DLGAP2: variants seen among roughly 807,000 people sequenced by gnomAD.
DLGAP2 encodes disks large-associated protein 2.
In DLGAP2, 26 loss-of-function variants were observed where a neutral mutation model predicts 100.3. That is an observed-to-expected ratio of 0.26 (90% CI 0.19 to 0.36). The LOEUF (loss-of-function observed/expected upper bound fraction) is 0.36, where lower values mean the gene tolerates loss of function less well. Ranked by LOEUF, DLGAP2 falls within the 10% of genes least tolerant of loss-of-function variation. DLGAP2 has a pLI of 1.00. For missense variants in DLGAP2, 1,858 were observed against 1,453.2 expected, an observed-to-expected ratio of 1.28 and a Z score of -4.53; for synonymous variants, 886 against 630.1, an observed-to-expected ratio of 1.41 and a Z score of -6.08.
Position 878,476 on chromosome 8 carries a change from G to C in DLGAP2, c.19-29436G>C, listed in dbSNP as rs140699936. Among the ~76,000 whole-genome samples the C allele has an allele frequency of 7.7e-3, 1,171 of 152,250 alleles. 19 individuals are homozygous for C. The highest frequency in any genetic ancestry group is 0.027 in the African/African-American group (1,133 of 41,528). On this transcript the variant is annotated intron_variant, in intron 1 of 14. Transcript: ENST00000637795. ...AGGTTGTGGGGACTGCAGAGCTATT[G>C]GGATGAATGAGAGAGTATATTTCTA...
intron 2 of DLGAP2, chr8:1,250,587 C>T (rs1799017609): frequency 6.6e-6 from 1 of 152,116 alleles, no homozygotes; most frequent in Non-Finnish European, 1.5e-5. Context: ...TTATCTCGGT[C>T]CAGAAGCAAT....
At chr8:1,471,935 C>T (rs975740486) in intron 3 of DLGAP2, among the ~76,000 whole-genome samples, 1 of 152,228 alleles carries the variant, frequency 6.6e-6, no homozygotes, top group Non-Finnish European at 1.5e-5. Context: ...ACTTCTTGTG[C>T]CCAGTACAAC....
rs563152354 is a variant in DLGAP2, at chr8:804,778, T to C, written c.18+66953T>C. On this transcript the variant is annotated intron_variant, in intron 1 of 14. Transcript: ENST00000637795. ...ATCACTTCTTTTTCATTTTATTTCT[T>C]TTTTTTGGACAGAGTCTCACTTTGT... Among the ~76,000 whole-genome samples, 3 of 152,268 alleles carry C rather than the reference T, an allele frequency of 2.0e-5. No individual in the cohort carries two copies. The South Asian group carries it at 6.2e-4, about 32-fold the overall frequency.
rs1799742521 is a variant in DLGAP2, at chr8:1,707,638, A to G, written c.*6232A>G. On this transcript the variant is annotated 3_prime_UTR_variant, in exon 15 of 15. Coordinates refer to ENST00000637795, the MANE Select transcript of DLGAP2 (RefSeq NM_001346810.2). Reference sequence around the variant, plus strand: ...CAGGACAGGTCCTCCCTGCAGAGAGAGACAACTCATCCCCCGACCTTCCAT... The same window carrying G: ...CAGGACAGGTCCTCCCTGCAGAGAGGGACAACTCATCCCCCGACCTTCCAT... 1 of 152,174 alleles carries G rather than the reference A, an allele frequency of 6.6e-6. No homozygotes were observed. Among genetic ancestry groups the G allele is most frequent in the Non-Finnish European group, 1.5e-5 (1 of 68,034 alleles). The allele number at this position is 152,174 out of a possible 1,614,324, so 9.4% of individuals were successfully genotyped here.
chr8:1,220,270 C>G (rs541427100), intron 2 of DLGAP2, among the ~76,000 whole-genome samples: 2 of 152,164 alleles, frequency 1.3e-5, no homozygotes, highest in Non-Finnish European at 2.9e-5. Context: ...CCTCTTAACA[C>G]TGCTTTACCT....
intron 2 of DLGAP2, among the ~76,000 whole-genome samples, chr8:1,221,853 G>A (rs1798321307): frequency 6.6e-6 from 1 of 152,064 alleles, no homozygotes; most frequent in Non-Finnish European, 1.5e-5. Flanking sequence ...AGTGGTCTTT[G>A]AGCTCAGAGA....
At chr8:770,179 G>C (rs1012438415) in intron 1 of DLGAP2, among the ~76,000 whole-genome samples, 6 of 152,152 alleles carry the variant, frequency 3.9e-5, no homozygotes, top group African/African-American at 1.4e-4. Flanking sequence ...ACAGCACAGT[G>C]TTGCTACAAT....
intron 2 of DLGAP2, among the ~76,000 whole-genome samples, chr8:1,083,877 A>C (rs2167505): frequency 0.36 from 55,206 of 152,080 alleles, 10,278 homozygotes; most frequent in East Asian, 0.49. Flanking sequence ...TCATGTGTCT[A>C]AGTGGCTAAT....
chr8:1,323,255 C>T (rs1800947419), intron 3 of DLGAP2, among the ~76,000 whole-genome samples: 1 of 152,104 alleles, frequency 6.6e-6, no homozygotes, highest in African/African-American at 2.4e-5. Flanking sequence ...GTCTTGAACT[C>T]CTGAGGTCAG....
chr8:988,402 C>A (rs1487681908), intron 2 of DLGAP2, among the ~76,000 whole-genome samples: 1 of 152,174 alleles, frequency 6.6e-6, no homozygotes, highest in Non-Finnish European at 1.5e-5. Flanking sequence ...TAACACTCAG[C>A]CTTAAATTCT....
intron 2 of DLGAP2, among the ~76,000 whole-genome samples, chr8:950,829 T>C (rs1373775665): frequency 6.6e-6 from 1 of 152,008 alleles, no homozygotes; most frequent in Non-Finnish European, 1.5e-5. Context: ...TTTCACCATA[T>C]TGGCCAGGCT....
intron 2 of DLGAP2, among the ~76,000 whole-genome samples, chr8:1,158,778 C>A (rs1279396985): frequency 2.6e-5 from 4 of 152,250 alleles, no homozygotes; most frequent in African/African-American, 9.6e-5. Flanking sequence ...AAGTCTCCTC[C>A]ATGATTCTGT....
intron 12 of DLGAP2, chr8:1,688,478 A>C (rs1220292758): frequency 6.6e-6 from 1 of 152,172 alleles, no homozygotes; most frequent in Non-Finnish European, 1.5e-5. Flanking sequence ...GATATTCAGG[A>C]ACTATTGTCA....
intron 2 of DLGAP2, among the ~76,000 whole-genome samples, chr8:1,121,436 C>T (rs1796045360): frequency 6.6e-6 from 1 of 151,970 alleles, no homozygotes; most frequent in Admixed American, 6.6e-5. Flanking sequence ...ACCACCCATC[C>T]TCATCCCTTC....
At chr8:1,001,871 G>A (rs1019074600) in intron 2 of DLGAP2, among the ~76,000 whole-genome samples, 1 of 152,160 alleles carries the variant, frequency 6.6e-6, no homozygotes, top group Non-Finnish European at 1.5e-5. Context: ...TAATGCTGCT[G>A]ATGCTTTGAG....
chr8:1,186,768 T>G (rs927565086), intron 2 of DLGAP2, among the ~76,000 whole-genome samples: 1 of 152,166 alleles, frequency 6.6e-6, no homozygotes, highest in Non-Finnish European at 1.5e-5. Context: ...TCTAAGGAGC[T>G]TGGACGTGTC....
At chr8:1,202,002 T>C (rs575205305) in intron 2 of DLGAP2, among the ~76,000 whole-genome samples, 1 of 151,882 alleles carries the variant, frequency 6.6e-6, no homozygotes, top group East Asian at 1.9e-4. Flanking sequence ...GTGGTGTGTG[T>C]GTATACACAT....
chr8:1,264,932 T>G (rs1799422489), intron 3 of DLGAP2, among the ~76,000 whole-genome samples: 1 of 152,124 alleles, frequency 6.6e-6, no homozygotes, highest in South Asian at 2.1e-4. Context: ...AAAGGGCAGT[T>G]CCCCTGCACA....
At position 1,494,407 on chromosome 8, in the gene DLGAP2, T is replaced by C. The variant is rs141663370; in HGVS notation, c.107-6959T>C. Among the ~76,000 whole-genome samples the C allele has an allele frequency of 4.1e-3, 624 of 152,304 alleles. 5 individuals are homozygous for C. Among genetic ancestry groups the C allele is most frequent in the African/African-American group, 0.014 (590 of 41,574 alleles). On this transcript the variant is annotated intron_variant, in intron 3 of 14. Coordinates refer to ENST00000637795, the MANE Select transcript of DLGAP2 (RefSeq NM_001346810.2). ...TCCTCTTTCTTCCCAAACCTTGCAGTTGGCATTCACGGGGCAGGTCTTTAA... is the reference window on the plus strand; with the variant it reads ...TCCTCTTTCTTCCCAAACCTTGCAGCTGGCATTCACGGGGCAGGTCTTTAA...
Sources: gnomAD v4.1 joint callset for allele counts (sites outside exome capture counted in the v4.1 genomes callset) on GRCh38, gnomAD v4.1.1 for gene constraint, MANE v1.5 for transcripts, NCBI Gene and HGNC (gene_info 2026-07-23, HGNC 2026-07-21) for gene names.